PCED1B: variants seen among roughly 807,000 people sequenced by gnomAD.
The protein encoded by PCED1B is PC-esterase domain containing 1B, also known as PC-esterase domain-containing protein 1B.
For missense variants in PCED1B, 573 were observed against 573.9 expected (o/e 1.00, Z 0.02); for synonymous variants, 251 against 246.1 (o/e 1.02, Z -0.19).
At chr12:47,129,488 C>CAAAAT (rs1247144850) in intron 2 of PCED1B, among the ~76,000 whole-genome samples, 1 of 151,520 alleles carries the variant, frequency 6.6e-6, no homozygotes, top group African/African-American at 2.4e-5. Flanking sequence ...GACCCTGTCT[C>CAAAAT]AAAATAAAAT....
In PCED1B at chr12:47,161,474, A is replaced by G. The variant is rs60488819; in HGVS notation, c.-525-54748A>G. On this transcript the variant is annotated intron_variant, in intron 2 of 3. Transcript: ENST00000546455. ...AGTACCACAGTGTTTTGATTACTAT[A>G]ACTGTATAGTAAGTTTTGAAATCAG... Among the ~76,000 whole-genome samples the G allele has an allele frequency of 4.4e-3, 672 of 152,320 alleles. 4 individuals carry two copies. Among genetic ancestry groups the G allele is most frequent in the African/African-American group, 0.016 (652 of 41,566 alleles).
At chr12:47,136,155 T>C (rs1298143210) in intron 2 of PCED1B, among the ~76,000 whole-genome samples, 8 of 149,714 alleles carry the variant, frequency 5.3e-5, no homozygotes, top group African/African-American at 2.0e-4. Flanking sequence ...ATTATAATCA[T>C]CTTTCACATA....
At chr12:47,108,795 C>T (rs774948385) in intron 2 of PCED1B, among the ~76,000 whole-genome samples, 20 of 152,200 alleles carry the variant, frequency 1.3e-4, no homozygotes, top group Admixed American at 2.0e-4. Flanking sequence ...CTAGGCATGG[C>T]AGCTCACACC....
intron 2 of PCED1B, among the ~76,000 whole-genome samples, chr12:47,188,675 C>T (rs1357125205): frequency 1.3e-5 from 2 of 152,218 alleles, no homozygotes; most frequent in Non-Finnish European, 1.5e-5. Context: ...CAGAAGTTCT[C>T]ATCCATCGCC....
intron 2 of PCED1B, among the ~76,000 whole-genome samples, chr12:47,130,815 T>C (rs1940093382): frequency 6.6e-6 from 1 of 152,230 alleles, no homozygotes; most frequent in African/African-American, 2.4e-5. Context: ...AGATTATACA[T>C]TCTTAAGGGT....
Position 47,235,121 on chromosome 12 carries a change from A to G in PCED1B, c.58A>G (p.Ile20Val). 1 of 1,533,188 alleles carries G rather than the reference A, an allele frequency of 6.5e-7. No individual in the cohort carries two copies. The highest frequency in any genetic ancestry group is 8.8e-7 in the Non-Finnish European group (1 of 1,142,154). 95.0% of individuals were successfully genotyped at this position (1,533,188 alleles called of 1,614,324 possible). The part of the protein sequence containing the change: ...RQLLHNKFVV[I>V]LGDSVHRAVY... ...GCTGCTTCACAATAAGTTCGTGGTC[A>G]TCCTGGGGGACTCTGTGCATAGGGC... Residue 20 changes from isoleucine to valine, a missense_variant, in exon 4 of 4, where the codon ATC becomes GTC. Transcript: ENST00000546455.
At chr12:47,166,470 T>A (rs1941548530) in intron 2 of PCED1B, among the ~76,000 whole-genome samples, 1 of 152,176 alleles carries the variant, frequency 6.6e-6, no homozygotes, top group East Asian at 1.9e-4. Context: ...CTAAACCAAT[T>A]AAAATACAGA....
At chr12:47,129,469 G>A (rs1940028632) in intron 2 of PCED1B, among the ~76,000 whole-genome samples, 1 of 151,920 alleles carries the variant, frequency 6.6e-6, no homozygotes, top group Non-Finnish European at 1.5e-5. Flanking sequence ...AGCCTGGGTG[G>A]CAGAGCGAGA....
intron 2 of PCED1B, among the ~76,000 whole-genome samples, chr12:47,122,196 G>A (rs1360004997): frequency 2.0e-5 from 3 of 152,016 alleles, no homozygotes; most frequent in Non-Finnish European, 4.4e-5. Context: ...TTTAAATTAG[G>A]CGTTCATCTC....
At chr12:47,158,398 G>T (rs1406170920) in intron 2 of PCED1B, among the ~76,000 whole-genome samples, 2 of 152,146 alleles carry the variant, frequency 1.3e-5, no homozygotes, top group Non-Finnish European at 2.9e-5. Flanking sequence ...GCATCTCCCT[G>T]ATGATTAGTG....
At chr12:47,115,867 G>C (rs909907818) in intron 2 of PCED1B, among the ~76,000 whole-genome samples, 1 of 152,152 alleles carries the variant, frequency 6.6e-6, no homozygotes, top group African/African-American at 2.4e-5. Context: ...GAACTGCTAT[G>C]CCAGGCTCTG....
chr12:47,130,563 T>C (rs1940084391), intron 2 of PCED1B, among the ~76,000 whole-genome samples: 1 of 152,034 alleles, frequency 6.6e-6, no homozygotes, highest in Non-Finnish European at 1.5e-5. Flanking sequence ...TTGGTGCACA[T>C]CTGTAGTCCC....
At chr12:47,214,384 T>C (rs12825118) in intron 2 of PCED1B, among the ~76,000 whole-genome samples, 7,857 of 152,276 alleles carry the variant, frequency 0.052, 263 homozygotes, top group African/African-American at 0.088. Context: ...TTCAGGACTG[T>C]TGTGAAACCT....
At chr12:47,198,966 C>CAAA (rs374155461) in intron 2 of PCED1B, among the ~76,000 whole-genome samples, 31 of 131,270 alleles carry the variant, frequency 2.4e-4, no homozygotes, top group South Asian at 7.2e-4. Context: ...AACTCCATCT[C>CAAA]AAAAAAAAAA....
intron 2 of PCED1B, among the ~76,000 whole-genome samples, chr12:47,178,392 A>G (rs563303283): frequency 6.6e-6 from 1 of 152,168 alleles, no homozygotes; most frequent in Non-Finnish European, 1.5e-5. Context: ...AGTGGGACAC[A>G]TTGTTGGGGG....
chr12:47,147,087 A>T (rs1251609096), intron 2 of PCED1B, among the ~76,000 whole-genome samples: 2 of 132,894 alleles, frequency 1.5e-5, no homozygotes, highest in African/African-American at 5.6e-5. Flanking sequence ...TGCAATTTCC[A>T]CCTCCTGGGC....
chr12:47,218,968 C>T (rs1346186220), intron 3 of PCED1B, among the ~76,000 whole-genome samples: 1 of 152,062 alleles, frequency 6.6e-6, no homozygotes, highest in Non-Finnish European at 1.5e-5. Context: ...CGGTGAAACT[C>T]CGCCTCTACT....
chr12:47,151,742 A>G (rs1014361007), intron 2 of PCED1B, among the ~76,000 whole-genome samples: 2 of 152,206 alleles, frequency 1.3e-5, no homozygotes, highest in African/African-American at 4.8e-5. Context: ...ACCATCACAT[A>G]GAGAGAAAGA....
At position 47,127,369 on chromosome 12, in the gene PCED1B, CTT is replaced by C. The variant is rs34788645; in HGVS notation, c.-526+23190_-526+23191del. Among the ~76,000 whole-genome samples the C allele has an allele frequency of 3.8e-3, 493 of 128,828 alleles. 6 individuals carry two copies. In the South Asian group the frequency reaches 0.048, roughly 13 times the overall value. The allele number at this position is 128,828 out of a possible 152,430, so 84.5% of individuals were successfully genotyped here. On this transcript the variant is annotated intron_variant, in intron 2 of 3. Transcript: ENST00000546455. The stretch of plus-strand genomic sequence containing the variant: ...CTAGCTATCTTTCTGTTTTTTATTT[CTT>C]TTTTTTTTTTTTTTTGAGAAGAAGT...
Sources: allele counts gnomAD v4.1 joint callset (sites outside exome capture counted in the v4.1 genomes callset), GRCh38; gene constraint gnomAD v4.1.1; transcripts MANE v1.5; gene names NCBI Gene and HGNC (gene_info 2026-07-23, HGNC 2026-07-21).